Variants in TUBGCP4 observed in about 807,000 individuals in gnomAD.
The protein encoded by TUBGCP4 is tubulin gamma complex component 4.
Under a neutral mutation model 91.6 loss-of-function variants are expected in TUBGCP4, and 54 were observed. The ratio of observed to expected loss-of-function variants is 0.59; its 90% CI spans 0.47 to 0.74. The LOEUF (loss-of-function observed/expected upper bound fraction) is 0.74. Among genes scored for constraint, TUBGCP4 ranks in the 30% least tolerant of loss-of-function variants. TUBGCP4 has a pLI of 0.00. For synonymous variants in TUBGCP4, 297 were observed against 302.8 expected, an observed-to-expected ratio of 0.98 and a Z score of 0.20; for missense variants, 593 against 800.9, an observed-to-expected ratio of 0.74 and a Z score of 3.13.
intron 3 of TUBGCP4, 69 bp from the exon 4 acceptor site, chr15:43,376,945 C>T (rs1038441212): frequency 1.1e-5 from 15 of 1,324,410 alleles, no homozygotes; most frequent in Non-Finnish European, 1.4e-5. Context: ...ATTCTCTTCT[C>T]ATTTTCATAG....
At chr15:43,397,437 A>G in intron 12 of TUBGCP4, 116 bp downstream of exon 12, 1 of 780,466 alleles carries the variant, frequency 1.3e-6, no homozygotes, top group South Asian at 1.5e-5. Flanking sequence ...GAAATCAGCT[A>G]GTACAGTACT....
At chr15:43,393,302 C>T (rs948980152) in intron 9 of TUBGCP4, among the ~76,000 whole-genome samples, 7 of 151,498 alleles carry the variant, frequency 4.6e-5, no homozygotes, top group South Asian at 2.1e-4. Context: ...CTCCGTCTCC[C>T]GGGTTCAAGC....
At chr15:43,377,628 A>AAT in intron 4 of TUBGCP4, 1 of 471,732 alleles carries the variant, frequency 2.1e-6, no homozygotes, top group Non-Finnish European at 3.6e-6. Flanking sequence ...AAAAAAAAAA[A>AAT]GAAAAAAGAA....
At chr15:43,377,107 A>T in intron 4 of TUBGCP4, 40 bp downstream of exon 4, 1 of 1,520,348 alleles carries the variant, frequency 6.6e-7, no homozygotes, top group African/African-American at 1.4e-5. Flanking sequence ...CAATCTGTTG[A>T]TAGTGTTAGA....
intron 15 of TUBGCP4, 31 bp downstream of exon 15, chr15:43,401,881 G>T (rs751394847): frequency 1.9e-6 from 3 of 1,612,328 alleles, no homozygotes; most frequent in South Asian, 1.1e-5. Flanking sequence ...TCCTCAGACT[G>T]CTTCTACCAC....
rs1288572709 is a variant in TUBGCP4, at chr15:43,408,094, A to C, written c.*2880A>C. 17 of 1,613,462 alleles carry C rather than the reference A, an allele frequency of 1.1e-5. No individual in the cohort carries two copies. Among genetic ancestry groups the C allele is most frequent in the Non-Finnish European group, 1.4e-5 (16 of 1,179,754 alleles). On this transcript the variant is annotated 3_prime_UTR_variant, in exon 18 of 18. Coordinates refer to ENST00000564079, the MANE Select transcript of TUBGCP4 (RefSeq NM_014444.5). ...AAGGATTTTCACGGGGTTGCCTATGAAGGAGACAGGAAAGGACCTTAGCAT... is the reference window on the plus strand; with the variant it reads ...AAGGATTTTCACGGGGTTGCCTATGCAGGAGACAGGAAAGGACCTTAGCAT...
chr15:43,407,386 G>T lies in TUBGCP4; in HGVS notation c.*2172G>T. 1 of 1,613,964 alleles carries T rather than the reference G, an allele frequency of 6.2e-7. No homozygotes were observed. Among genetic ancestry groups the T allele is most frequent in the South Asian group, 1.1e-5 (1 of 91,072 alleles). Reference sequence around the variant, plus strand: ...AAACCAGTAAGACCAAGTATCTTTAGTGAGAAACATAATCGTGTTTATATT... The same window carrying T: ...AAACCAGTAAGACCAAGTATCTTTATTGAGAAACATAATCGTGTTTATATT... On this transcript the variant is annotated 3_prime_UTR_variant, in exon 18 of 18. Transcript: ENST00000564079.
chr15:43,388,832 C>T (rs1299047491), intron 9 of TUBGCP4, among the ~76,000 whole-genome samples: 1 of 152,122 alleles, frequency 6.6e-6, no homozygotes, highest in Non-Finnish European at 1.5e-5. Context: ...AAAAGCTGTG[C>T]CCTGAAGGAA....
At position 43,376,172 on chromosome 15, in the gene TUBGCP4, C is replaced by T. The variant is rs767558787; in HGVS notation, c.153C>T (p.Asp51=). Residue 51 remains aspartate, a synonymous_variant, in exon 2 of 18, where the codon GAC becomes GAT. Transcript: ENST00000564079. ...ATCGACTCTGCCGGCTCGGCACAGA[C>T]TATATTCGCTTCACTGAGTTCATTG... ...VLNRLCRLGT[D]YIRFTEFIEQ... The T allele has an allele frequency of 5.0e-6, 8 of 1,614,134 alleles. No individual in the cohort carries two copies. The highest frequency in any genetic ancestry group is 5.9e-6 in the Non-Finnish European group (7 of 1,180,020).
chr15:43,377,874 G>T lies in TUBGCP4; in HGVS notation c.412G>T (p.Val138Phe), dbSNP rs779608171. ...CCAGCTTCTTTTTCCCTCTGTGATG[G>T]TTGTAGTAGAACAAATTAAAAGTCA... ...QFQLLFPSVM[V>F]VVEQIKSQKI... Residue 138 changes from valine (V) to phenylalanine (F), a missense_variant, in exon 5 of 18, where the codon GTT (valine) becomes TTT (phenylalanine). Transcript: ENST00000564079. 1.9e-6 allele frequency: 3 copies of T among 1,607,662 alleles called. 1 individual carries two copies. In the South Asian group the frequency reaches 3.4e-5, roughly 18 times the overall value.
chr15:43,405,212 T>A lies in TUBGCP4; in HGVS notation c.1999T>A (p.Ter667ArgextTer9). 1 of 1,614,164 alleles carries A rather than the reference T, an allele frequency of 6.2e-7. No individual in the cohort carries two copies. The highest frequency in any genetic ancestry group is 2.2e-5 in the East Asian group (1 of 44,870). ...TTTTCTCTTTTGTAGTTTCGGGATG[T>A]GAAAATTTCTGGCTCATAAATTGAA... ...AGGTLGSFGM[*>R] Residue 667 changes from the stop codon to arginine (R), a stop_lost, in exon 18 of 18, where the codon TGA (stop) becomes AGA (arginine). Transcript: ENST00000564079.
intron 1 of TUBGCP4, among the ~76,000 whole-genome samples, chr15:43,373,244 T>C (rs77472217): frequency 0.01 from 1,544 of 152,362 alleles, 28 homozygotes; most frequent in African/African-American, 0.035. Flanking sequence ...ATTATTCTAA[T>C]GCAGGATTTC....
chr15:43,373,824 T>C (rs747646036), intron 1 of TUBGCP4, among the ~76,000 whole-genome samples: 8 of 152,014 alleles, frequency 5.3e-5, no homozygotes, highest in Non-Finnish European at 1.2e-4. Context: ...AATTTTTTTG[T>C]AGTTTTTTTA....
intron 7 of TUBGCP4, among the ~76,000 whole-genome samples, chr15:43,384,037 C>T (rs959952910): frequency 2.0e-5 from 3 of 152,102 alleles, no homozygotes; most frequent in Non-Finnish European, 4.4e-5. Flanking sequence ...TGGTCTCGAA[C>T]GCCTGACCTC....
intron 9 of TUBGCP4, among the ~76,000 whole-genome samples, chr15:43,390,357 T>C (rs2044445629): frequency 6.6e-6 from 1 of 152,174 alleles, no homozygotes; most frequent in East Asian, 1.9e-4. Flanking sequence ...TTTCTTGTAT[T>C]AATTTTGGTA....
chr15:43,382,101 A>G (rs1427146270), intron 6 of TUBGCP4, among the ~76,000 whole-genome samples: 1 of 151,942 alleles, frequency 6.6e-6, no homozygotes, highest in Non-Finnish European at 1.5e-5. Flanking sequence ...GGGCCCAGCT[A>G]CTTAGGAGGC....
intron 1 of TUBGCP4, 31 bp from the exon 2 acceptor site, chr15:43,376,067 G>T: frequency 1.2e-6 from 2 of 1,607,200 alleles, no homozygotes; most frequent in African/African-American, 1.3e-5. Flanking sequence ...AGCGACTGGC[G>T]GTGTTTTCGG....
chr15:43,398,952 T>C (rs884704), intron 13 of TUBGCP4, among the ~76,000 whole-genome samples: 44,607 of 152,148 alleles, frequency 0.29, 10,133 homozygotes, highest in African/African-American at 0.63. Flanking sequence ...ACAATGCCAT[T>C]ATCACATCCA....
chr15:43,385,709 G>T (rs1401176938), intron 7 of TUBGCP4, 82 bp from the exon 8 acceptor site: 2 of 1,444,744 alleles, frequency 1.4e-6, no homozygotes, highest in Non-Finnish European at 1.9e-6. Flanking sequence ...TAAATCATGG[G>T]TTGGGAGAGT....
Sources: allele counts gnomAD v4.1 joint callset (sites outside exome capture counted in the v4.1 genomes callset), GRCh38; gene constraint gnomAD v4.1.1; transcripts MANE v1.5; gene names NCBI Gene and HGNC (gene_info 2026-07-23, HGNC 2026-07-21).